The following ARMC9 variants were observed in gnomAD, a reference collection of about 807,000 sequenced individuals.
ARMC9 encodes lisH domain-containing protein ARMC9.
ARMC9 carries 94 observed loss-of-function variants against 107.0 expected under a neutral mutation model. That is an observed-to-expected ratio of 0.88 (90% confidence interval 0.74 to 1.04). The LOEUF (loss-of-function observed/expected upper bound fraction) is 1.04. ARMC9 is among the 50% of genes least tolerant of loss of function. The pLI is 0.00. For missense variants in ARMC9, 942 were observed against 1,030.1 expected (o/e 0.91, Z 1.17); for synonymous variants, 380 against 396.9 (o/e 0.96, Z 0.51).
intron 19 of ARMC9, among the ~76,000 whole-genome samples, chr2:231,316,783 G>C (rs1199278489): frequency 1.3e-5 from 2 of 152,004 alleles, no homozygotes; most frequent in African/African-American, 4.8e-5. Flanking sequence ...GTTTGTTTGT[G>C]ACAGAGTCTC....
At chr2:231,356,836 A>G (rs57261138) in intron 22 of ARMC9, among the ~76,000 whole-genome samples, 20,374 of 152,208 alleles carry the variant, frequency 0.13, 3,229 homozygotes, top group African/African-American at 0.38. Flanking sequence ...TTCTGCTGCC[A>G]GGGTGGAGGT....
At chr2:231,363,998 T>A (rs2125596196) in intron 23 of ARMC9, among the ~76,000 whole-genome samples, 1 of 152,004 alleles carries the variant, frequency 6.6e-6, no homozygotes. Context: ...CTCCTTAGAT[T>A]AAGTAGCAGG....
chr2:231,295,054 C>T (rs1274200614), intron 18 of ARMC9: 1 of 152,188 alleles, frequency 6.6e-6, no homozygotes. Flanking sequence ...GGTGTTTGAT[C>T]AAATGTGGGT....
intron 8 of ARMC9, among the ~76,000 whole-genome samples, chr2:231,237,288 G>A (rs1436249326): frequency 1.3e-5 from 2 of 150,818 alleles, no homozygotes; most frequent in Non-Finnish European, 3.0e-5. Context: ...TTTCTCTTTC[G>A]ATATATCTTG....
At chr2:231,232,092 C>T (rs2035285296) in intron 7 of ARMC9, among the ~76,000 whole-genome samples, 1 of 141,614 alleles carries the variant, frequency 7.1e-6, no homozygotes, top group Non-Finnish European at 1.5e-5. Context: ...GTGGTGCAAT[C>T]TCGGCTCACT....
chr2:231,262,491 T>C (rs556707519), intron 12 of ARMC9, 93 bp downstream of exon 12: 314 of 1,236,794 alleles, frequency 2.5e-4, no homozygotes, highest in South Asian at 8.6e-4. Context: ...TCTCTGCACA[T>C]TTTCAGCTTC....
rs1373280364 is a variant in ARMC9, at chr2:231,282,149, TGA to T, written c.1626+19_1626+20del. On this transcript the variant is annotated intron_variant, in intron 17 of 24. Coordinates refer to ENST00000611582, the MANE Select transcript of ARMC9 (RefSeq NM_001352754.2). The stretch of plus-strand genomic sequence containing the variant: ...AAGAGCAATGGTAAGAAAGCGTGCC[TGA>T]GAAACATGTGAGCTTCCTTTAGTGC... 6.2e-7 allele frequency: 1 copy of T among 1,612,908 alleles called. No individual in the cohort carries two copies. Among genetic ancestry groups the T allele is most frequent in the African/African-American group, 1.3e-5 (1 of 74,906 alleles).
intron 6 of ARMC9, among the ~76,000 whole-genome samples, chr2:231,223,433 G>A (rs949288806): frequency 3.3e-5 from 5 of 152,228 alleles, no homozygotes; most frequent in South Asian, 4.1e-4. Context: ...AGAGCAGAAC[G>A]TTAGGTCACC....
intron 17 of ARMC9, among the ~76,000 whole-genome samples, chr2:231,283,266 G>T (rs2040349903): frequency 6.6e-6 from 1 of 152,112 alleles, no homozygotes. Flanking sequence ...TGAGCAAATG[G>T]GGCGGAAAAA....
chr2:231,221,830 C>CAAAAAA (rs61031104), intron 5 of ARMC9, among the ~76,000 whole-genome samples: 81 of 74,012 alleles, frequency 1.1e-3, no homozygotes, highest in African/African-American at 3.6e-3. Flanking sequence ...GACTCTGTCT[C>CAAAAAA]AAAAAAAAAA....
chr2:231,274,997 A>G (rs2039639111), intron 14 of ARMC9, among the ~76,000 whole-genome samples: 1 of 143,218 alleles, frequency 7.0e-6, no homozygotes, highest in East Asian at 2.0e-4. Flanking sequence ...AAATTCAATA[A>G]CTATAGTTAA....
intron 7 of ARMC9, among the ~76,000 whole-genome samples, chr2:231,227,612 C>G (rs1488136243): frequency 6.6e-6 from 1 of 152,158 alleles, no homozygotes; most frequent in African/African-American, 2.4e-5. Flanking sequence ...TTTCCTGTTT[C>G]TTTTTAGGGA....
At position 231,374,619 on chromosome 2, in the gene ARMC9, A is replaced by G. The variant is rs947687607; in HGVS notation, c.*3084A>G. ...TCATGAAAAAAAAAGAAAAGAAAGA[A>G]AAGGTAAAGAAAAGAAATCCATGAT... On this transcript the variant is annotated 3_prime_UTR_variant, in exon 25 of 25. Coordinates refer to ENST00000611582, the MANE Select transcript of ARMC9 (RefSeq NM_001352754.2). The G allele has an allele frequency of 6.6e-6, 1 of 151,912 alleles. No individual in the cohort carries two copies. The highest frequency in any genetic ancestry group is 2.4e-5 in the African/African-American group (1 of 41,276). The allele number at this position is 151,912 out of a possible 1,614,324, so 9.4% of individuals were successfully genotyped here.
chr2:231,235,380 T>C lies in ARMC9; in HGVS notation c.779T>C (p.Met260Thr). ...DSLEATVSGKMITPEYLQSVC... is the reference protein window; with the variant it reads ...DSLEATVSGKTITPEYLQSVC... ...CTAGAGGCCACAGTCAGCGGCAAGA[T>C]GGTAAGGAAGATCCCTAATTGTGTG... is the stretch of plus-strand genomic sequence containing the variant. The change falls in exon 8 of 25, where the codon ATG becomes ACG. Residue 260 changes from methionine (M) to threonine (T), a missense_variant and splice_region_variant. Transcript: ENST00000611582. 6.2e-7 allele frequency: 1 copy of C among 1,614,058 alleles called. No individual in the cohort carries two copies. Among genetic ancestry groups the C allele is most frequent in the South Asian group, 1.1e-5 (1 of 91,050 alleles).
chr2:231,263,054 G>GC (rs1469119500), intron 12 of ARMC9, among the ~76,000 whole-genome samples: 1 of 152,118 alleles, frequency 6.6e-6, no homozygotes, highest in Non-Finnish European at 1.5e-5. Context: ...TTCTGTCCTT[G>GC]CCCCTCCTAC....
At chr2:231,290,399 T>C (rs1295008441) in intron 17 of ARMC9, among the ~76,000 whole-genome samples, 1 of 152,258 alleles carries the variant, frequency 6.6e-6, no homozygotes, top group Non-Finnish European at 1.5e-5. Flanking sequence ...TGTTGGCTCA[T>C]GTAACTGAAA....
chr2:231,332,253 A>G (rs1001273428), intron 20 of ARMC9, among the ~76,000 whole-genome samples: 10 of 152,198 alleles, frequency 6.6e-5, no homozygotes, highest in Non-Finnish European at 8.8e-5. Flanking sequence ...TAGACTTGGA[A>G]GTCCTTGGCG....
Position 231,360,975 on chromosome 2 carries a change from A to G in ARMC9, c.2261+92A>G. 7.0e-7 allele frequency: 1 copy of G among 1,438,310 alleles called. No homozygotes were observed. Among genetic ancestry groups the G allele is most frequent in the South Asian group, 1.5e-5 (1 of 68,132 alleles). 89.1% of individuals were successfully genotyped at this position (1,438,310 alleles called of 1,614,324 possible). On this transcript the variant is annotated intron_variant, in intron 23 of 24. Transcript: ENST00000611582. The surrounding 1 kb of genome is among the most constrained non-coding windows in gnomAD (Gnocchi z 4.7). ...GATGCAGAGCACCCAGGAGACCTGG[A>G]AGGCTCCTCTGAGGCCCAGCCTCTG...
intron 19 of ARMC9, among the ~76,000 whole-genome samples, chr2:231,329,398 C>T (rs1477530237): frequency 6.6e-6 from 1 of 152,070 alleles, no homozygotes; most frequent in African/African-American, 2.4e-5. Context: ...TCAACCTCCG[C>T]CTCCTGGGTT....
Sources: allele counts gnomAD v4.1 joint callset (sites outside exome capture counted in the v4.1 genomes callset), GRCh38; gene constraint gnomAD v4.1.1; non-coding constraint Gnocchi (gnomAD v3.1); transcripts MANE v1.5; gene names NCBI Gene and HGNC (gene_info 2026-07-23, HGNC 2026-07-21).